Variants in CENPQ observed in about 807,000 individuals in gnomAD.
CENPQ encodes centromere protein Q.
A neutral mutation model predicts 36.6 loss-of-function variants in CENPQ; 27 were observed. The observed-to-expected ratio is 0.74, with a 90% CI of 0.54 to 1.02. The LOEUF (loss-of-function observed/expected upper bound fraction) is 1.02. Ranked by LOEUF, CENPQ falls within the 50% of genes least tolerant of loss-of-function variation. CENPQ has a pLI of 0.00. For synonymous variants in CENPQ, 101 were observed against 101.7 expected, an observed-to-expected ratio of 0.99 and a Z score of 0.04; for missense variants, 306 against 301.8, an observed-to-expected ratio of 1.01 and a Z score of -0.10.
At chr6:49,473,329 C>G (rs920703519) in intron 5 of CENPQ, among the ~76,000 whole-genome samples, 2 of 152,084 alleles carry the variant, frequency 1.3e-5, no homozygotes, top group Admixed American at 1.3e-4. Flanking sequence ...GATTTCTTCT[C>G]AGGAGTTCTT....
chr6:49,475,090 T>A (rs1039715213), intron 5 of CENPQ, among the ~76,000 whole-genome samples: 2 of 152,176 alleles, frequency 1.3e-5, no homozygotes, highest in Non-Finnish European at 2.9e-5. Flanking sequence ...AAGGAGGAGC[T>A]GGAACCATTC....
intron 6 of CENPQ, among the ~76,000 whole-genome samples, chr6:49,483,830 G>A (rs1768514740): frequency 6.6e-6 from 1 of 152,234 alleles, no homozygotes; most frequent in African/African-American, 2.4e-5. Context: ...GAGGGAGCCA[G>A]CTCCAGCCTT....
chr6:49,476,812 T>C (rs1184859538), intron 5 of CENPQ, among the ~76,000 whole-genome samples: 1 of 152,096 alleles, frequency 6.6e-6, no homozygotes, highest in Non-Finnish European at 1.5e-5. Flanking sequence ...AACAGACACA[T>C]GAAAAAATGT....
chr6:49,469,632 T>C (rs1386618214), intron 1 of CENPQ, among the ~76,000 whole-genome samples: 7 of 152,272 alleles, frequency 4.6e-5, no homozygotes, highest in African/African-American at 1.4e-4. Flanking sequence ...TTTAAATTCT[T>C]AATAGTGTCA....
At chr6:49,491,194 C>T (rs1768714989) in intron 8 of CENPQ, among the ~76,000 whole-genome samples, 1 of 152,276 alleles carries the variant, frequency 6.6e-6, no homozygotes, top group East Asian at 1.9e-4. Flanking sequence ...GTTCTTTAAA[C>T]AAATGGAACC....
chr6:49,475,680 G>A (rs1187465681), intron 5 of CENPQ, among the ~76,000 whole-genome samples: 1 of 152,128 alleles, frequency 6.6e-6, no homozygotes, highest in Non-Finnish European at 1.5e-5. Flanking sequence ...AAACCCCATT[G>A]TCTCAGCCCA....
chr6:49,484,204 C>A (rs1768524796), intron 6 of CENPQ, among the ~76,000 whole-genome samples: 1 of 152,156 alleles, frequency 6.6e-6, no homozygotes, highest in Non-Finnish European at 1.5e-5. Context: ...ATCCCTTAAT[C>A]CTCACAATGA....
intron 1 of CENPQ, 108 bp from the exon 2 acceptor site, chr6:49,470,051 A>AG: frequency 1.9e-6 from 1 of 533,820 alleles, no homozygotes; most frequent in South Asian, 2.5e-5. Flanking sequence ...AAAAAAAAAA[A>AG]AGAGAATGTG....
At chr6:49,468,877 T>G (rs1441434421) in intron 1 of CENPQ, among the ~76,000 whole-genome samples, 4 of 151,200 alleles carry the variant, frequency 2.6e-5, no homozygotes, top group Non-Finnish European at 4.4e-5. Flanking sequence ...TGTCAGCCCT[T>G]CCAGGAGAGA....
chr6:49,481,494 T>C (rs1016403384), intron 6 of CENPQ, among the ~76,000 whole-genome samples: 4 of 152,064 alleles, frequency 2.6e-5, no homozygotes, highest in Non-Finnish European at 5.9e-5. Context: ...ATAAAGGCAG[T>C]GTGGACCCAA....
chr6:49,473,830 C>A (rs916497004), intron 5 of CENPQ, among the ~76,000 whole-genome samples: 2 of 151,976 alleles, frequency 1.3e-5, no homozygotes, highest in African/African-American at 4.8e-5. Context: ...AAAGATCTAC[C>A]AAGCAAATGG....
intron 2 of CENPQ, among the ~76,000 whole-genome samples, chr6:49,470,696 C>T (rs1768111227): frequency 1.4e-5 from 2 of 145,062 alleles, no homozygotes; most frequent in Admixed American, 6.9e-5. Context: ...TTGTATATAA[C>T]ATTATTTCTT....
chr6:49,486,972 C>A (rs893857249), intron 6 of CENPQ, among the ~76,000 whole-genome samples: 11 of 150,720 alleles, frequency 7.3e-5, no homozygotes, highest in African/African-American at 2.7e-4. Context: ...CATGGTGAAA[C>A]CCTGTCTCTA....
intron 8 of CENPQ, among the ~76,000 whole-genome samples, chr6:49,490,978 A>G (rs1768708769): frequency 6.6e-6 from 1 of 152,202 alleles, no homozygotes; most frequent in African/African-American, 2.4e-5. Context: ...TTGAACTATT[A>G]CAAGAATTAC....
intron 5 of CENPQ, among the ~76,000 whole-genome samples, chr6:49,473,144 C>T (rs570493768): frequency 7.1e-4 from 108 of 152,184 alleles, no homozygotes; most frequent in African/African-American, 2.4e-3. Context: ...ACTTGAACTC[C>T]CTTCAACTTC....
chr6:49,470,155 G>A lies in CENPQ; in HGVS notation c.-18-4G>A, dbSNP rs776631742. Reference sequence around the variant, plus strand: ...ATCTTTACAGATTTTTTTTTTTTTCGAAGCACTGTGTTTAGATCAAGATGT... The same window carrying A: ...ATCTTTACAGATTTTTTTTTTTTTCAAAGCACTGTGTTTAGATCAAGATGT... On this transcript the variant is annotated splice_region_variant and splice_polypyrimidine_tract_variant and intron_variant, in intron 1 of 8. Transcript: ENST00000335783. The A allele has an allele frequency of 4.2e-4, 509 of 1,222,760 alleles. No individual in the cohort carries two copies. The highest frequency in any genetic ancestry group is 5.1e-4 in the Non-Finnish European group (453 of 885,166). The allele number at this position is 1,222,760 out of a possible 1,614,324, so 75.7% of individuals were successfully genotyped here.
chr6:49,487,148 C>T (rs1768603011), intron 6 of CENPQ, among the ~76,000 whole-genome samples: 1 of 172 alleles, frequency 5.8e-3, no homozygotes, highest in Non-Finnish European at 0.062. Flanking sequence ...AGCAAAACTC[C>T]ATCTCAAAAA....
At chr6:49,479,971 G>A (rs922246186) in intron 5 of CENPQ, among the ~76,000 whole-genome samples, 1 of 152,160 alleles carries the variant, frequency 6.6e-6, no homozygotes, top group Admixed American at 6.5e-5. Flanking sequence ...ACTTGCGGGA[G>A]GAGAGTGAGG....
At chr6:49,471,657 C>T (rs144497415) in intron 3 of CENPQ, among the ~76,000 whole-genome samples, 1 of 152,200 alleles carries the variant, frequency 6.6e-6, no homozygotes, top group African/African-American at 2.4e-5. Context: ...ACAGTACCAA[C>T]AGCATAGTTG....
Sources: allele counts gnomAD v4.1 joint callset (sites outside exome capture counted in the v4.1 genomes callset), GRCh38; gene constraint gnomAD v4.1.1; transcripts MANE v1.5; gene names NCBI Gene and HGNC (gene_info 2026-07-23, HGNC 2026-07-21).